CSTPP1: variants seen among roughly 807,000 people sequenced by gnomAD.
CSTPP1 encodes the protein centriolar satellite-associated tubulin polyglutamylase complex regulator 1.
the CSTPP1 span, among the ~76,000 whole-genome samples, chr11:47,150,852 G>A: frequency 1.3e-5 from 2 of 150,468 alleles, no homozygotes; most frequent in African/African-American, 2.4e-5. Context: ...ATGGGGGAAC[G>A]TGTCCTAAGG....
At chr11:47,126,858 A>C in the CSTPP1 span, among the ~76,000 whole-genome samples, 1 of 151,434 alleles carries the variant, frequency 6.6e-6, no homozygotes, top group Non-Finnish European at 1.5e-5. Context: ...GCTTGAGCCC[A>C]GGAGGTGGAG....
At chr11:47,104,243 C>G in the CSTPP1 span, among the ~76,000 whole-genome samples, 1 of 152,110 alleles carries the variant, frequency 6.6e-6, no homozygotes, top group Non-Finnish European at 1.5e-5. Flanking sequence ...GGAATGAATC[C>G]TAGAGAGGCC....
chr11:47,035,722 TAAAATG>T, the CSTPP1 span, among the ~76,000 whole-genome samples: 1 of 152,178 alleles, frequency 6.6e-6, no homozygotes, highest in African/African-American at 2.4e-5. Flanking sequence ...TAGTAAATGA[TAAAATG>T]GACTAGTGTC....
At chr11:47,079,033 T>C in the CSTPP1 span, among the ~76,000 whole-genome samples, 1 of 152,164 alleles carries the variant, frequency 6.6e-6, no homozygotes, top group African/African-American at 2.4e-5. Context: ...TTAAGAGACA[T>C]TCCAGGGTTC....
chr11:46,945,745 G>C, the CSTPP1 span, among the ~76,000 whole-genome samples: 2 of 151,910 alleles, frequency 1.3e-5, no homozygotes, highest in African/African-American at 4.8e-5. Flanking sequence ...TATAAAGCCA[G>C]GCATGAATAT....
chr11:46,986,353 T>A, the CSTPP1 span, among the ~76,000 whole-genome samples: 1 of 151,144 alleles, frequency 6.6e-6, no homozygotes, highest in Non-Finnish European at 1.5e-5. Flanking sequence ...GGTCTTGTTA[T>A]TTACCAAAGT....
the CSTPP1 span, among the ~76,000 whole-genome samples, chr11:47,053,660 G>T: frequency 4.0e-5 from 6 of 151,880 alleles, no homozygotes; most frequent in African/African-American, 1.4e-4. Flanking sequence ...AAGAAATTGG[G>T]GCTGGATGTG....
the CSTPP1 span, among the ~76,000 whole-genome samples, chr11:47,085,687 C>T: frequency 2.0e-5 from 3 of 150,502 alleles, no homozygotes; most frequent in Admixed American, 6.6e-5. Flanking sequence ...GTCAGGAGTT[C>T]GAGACCAGCC....
the CSTPP1 span, among the ~76,000 whole-genome samples, chr11:46,982,740 A>G: frequency 2.0e-5 from 3 of 152,174 alleles, no homozygotes; most frequent in Non-Finnish European, 4.4e-5. Flanking sequence ...TAGATTTTAT[A>G]TAGCCCAAGA....
chr11:47,139,037 G>A, the CSTPP1 span, among the ~76,000 whole-genome samples: 4 of 136,704 alleles, frequency 2.9e-5, no homozygotes, highest in African/African-American at 8.3e-5. Flanking sequence ...GCAAATGGAC[G>A]TACAGCAAAA....
chr11:46,998,576 T>C, the CSTPP1 span, among the ~76,000 whole-genome samples: 1 of 152,212 alleles, frequency 6.6e-6, no homozygotes, highest in Non-Finnish European at 1.5e-5. Context: ...TTCTTTTTTT[T>C]TGAAGACCTG....
chr11:47,052,275 G>C, the CSTPP1 span: 967 of 1,330,254 alleles, frequency 7.3e-4, 18 homozygotes, highest in South Asian at 0.014. Flanking sequence ...AGTTTTGTTG[G>C]GGAGAAAAAT....
At chr11:46,947,793 G>C in the CSTPP1 span, among the ~76,000 whole-genome samples, 1 of 152,174 alleles carries the variant, frequency 6.6e-6, no homozygotes, top group Non-Finnish European at 1.5e-5. Context: ...ATCTCAGACA[G>C]AAATCTGCTT....
chr11:47,038,067 T>C, the CSTPP1 span, among the ~76,000 whole-genome samples: 2 of 99,484 alleles, frequency 2.0e-5, no homozygotes, highest in African/African-American at 3.0e-5. Context: ...GAGGCGCCCC[T>C]CACCTCCCGG....
At chr11:47,018,697 T>A in the CSTPP1 span, among the ~76,000 whole-genome samples, 1 of 152,256 alleles carries the variant, frequency 6.6e-6, no homozygotes, top group Admixed American at 6.5e-5. Context: ...TATATCCTTG[T>A]CAGCACTTGG....
chr11:47,158,224 C>A, the CSTPP1 span, among the ~76,000 whole-genome samples: 1 of 152,184 alleles, frequency 6.6e-6, no homozygotes, highest in African/African-American at 2.4e-5. Context: ...GAGCAGCCTG[C>A]AGGTCGGGCA....
At chr11:46,994,416 G>T in the CSTPP1 span, among the ~76,000 whole-genome samples, 1 of 152,096 alleles carries the variant, frequency 6.6e-6, no homozygotes, top group Non-Finnish European at 1.5e-5. Flanking sequence ...CTGTGGGATT[G>T]TCATAAATAG....
At chr11:47,131,263 G>A in the CSTPP1 span, among the ~76,000 whole-genome samples, 2 of 152,140 alleles carry the variant, frequency 1.3e-5, no homozygotes, top group Admixed American at 1.3e-4. Context: ...CCATTTCCCA[G>A]GAAGAGGAGA....
chr11:47,080,930 G>A, the CSTPP1 span, among the ~76,000 whole-genome samples: 1 of 150,810 alleles, frequency 6.6e-6, no homozygotes, highest in East Asian at 2.0e-4. Flanking sequence ...GATCACTTGA[G>A]CCTGGGAGTT....
Sources: gnomAD v4.1 joint callset for allele counts (sites outside exome capture counted in the v4.1 genomes callset) on GRCh38, gnomAD v4.1.1 for gene constraint, MANE v1.5 for transcripts, NCBI Gene and HGNC (gene_info 2026-07-23, HGNC 2026-07-21) for gene names.